The following SMURF1 variants were observed in gnomAD, a reference collection of about 807,000 sequenced individuals.
The protein encoded by SMURF1 is SMAD specific E3 ubiquitin protein ligase 1.
SMURF1 carries 44 observed loss-of-function variants against 98.0 expected under a neutral mutation model. That is an observed-to-expected ratio of 0.45 (90% CI 0.35 to 0.58). The LOEUF is 0.58. Among genes scored for constraint, SMURF1 ranks in the 20% least tolerant of loss-of-function variants. The pLI is 0.00. For missense variants in SMURF1, 687 were observed against 938.4 expected, an observed-to-expected ratio of 0.73 and a Z score of 3.50; for synonymous variants, 396 against 374.9, an observed-to-expected ratio of 1.06 and a Z score of -0.65.
Position 99,045,757 on chromosome 7 carries a change from T to G in SMURF1, c.1197A>C (p.Lys399Asn). 1 of 1,614,262 alleles carries G rather than the reference T, an allele frequency of 6.2e-7. No homozygotes were observed. Residue 399 changes from lysine to asparagine, a missense_variant, in exon 11 of 18, where the codon AAA becomes AAC. By Grantham distance (94) the Lys-to-Asn change is moderately conservative (BLOSUM62 0). Coordinates refer to ENST00000361368, the MANE Select transcript of SMURF1 (RefSeq NM_181349.3). ...QIMKMRPKDL[K>N]KRLMVKFRGE... ...CACGGAATTTCACCATCAGCCGTTT[T>G]TTCAAGTCTTTCGGTCGCATCTTCA...
chr7:99,045,122 G>C (rs564154152), intron 11 of SMURF1, among the ~76,000 whole-genome samples: 1 of 152,006 alleles, frequency 6.6e-6, no homozygotes, highest in East Asian at 1.9e-4. Context: ...CTGGGCAACA[G>C]AGCAAGACCC....
intron 1 of SMURF1, among the ~76,000 whole-genome samples, chr7:99,142,581 A>C (rs1427733397): frequency 2.7e-5 from 2 of 75,248 alleles, no homozygotes; most frequent in Non-Finnish European, 5.2e-5. Flanking sequence ...GGCAGGAATG[A>C]GGGCGGGGCT....
At position 99,047,893 on chromosome 7, in the gene SMURF1, A is replaced by C; in HGVS notation, c.954-11T>G. The C allele has an allele frequency of 3.1e-6, 5 of 1,612,742 alleles. No homozygotes were observed. The highest frequency in any genetic ancestry group is 4.2e-6 in the Non-Finnish European group (5 of 1,179,948). On this transcript the variant is annotated splice_polypyrimidine_tract_variant and intron_variant, in intron 9 of 17. Coordinates refer to ENST00000361368, the MANE Select transcript of SMURF1 (RefSeq NM_181349.3). ...AGTTGGCACTGGTGACTTGAGAAGA[A>C]GAGATGCAGAAAGTCACTCCGAAGC...
intron 11 of SMURF1, 55 bp from the exon 12 acceptor site, chr7:99,042,287 T>G (rs1010196175): frequency 7.5e-6 from 10 of 1,328,404 alleles, no homozygotes; most frequent in South Asian, 1.2e-5. Flanking sequence ...CTACATTTTT[T>G]TTTTTTCCCT....
chr7:99,077,390 T>C (rs1796488362), intron 1 of SMURF1, among the ~76,000 whole-genome samples: 1 of 151,784 alleles, frequency 6.6e-6, no homozygotes, highest in South Asian at 2.1e-4. Context: ...TGGAGTACAG[T>C]GGCGCAATCT....
At chr7:99,128,533 G>T (rs534384611) in intron 1 of SMURF1, among the ~76,000 whole-genome samples, 1 of 152,154 alleles carries the variant, frequency 6.6e-6, no homozygotes, top group African/African-American at 2.4e-5. Context: ...TATGCTAAGC[G>T]TATTACATAG....
At chr7:99,051,272 C>G (rs1795747323) in intron 8 of SMURF1, 85 bp downstream of exon 8, 1 of 1,117,574 alleles carries the variant, frequency 8.9e-7, no homozygotes, top group African/African-American at 1.5e-5. Flanking sequence ...TAGTTTAAAA[C>G]AAGAGCAACA....
At chr7:99,035,857 A>T (rs1795115522) in intron 15 of SMURF1, 141 bp from the exon 16 acceptor site, 5 of 792,830 alleles carry the variant, frequency 6.3e-6, no homozygotes, top group Non-Finnish European at 2.0e-6. Flanking sequence ...ATGTTGAGAC[A>T]GGAAGAAAGC....
In SMURF1 at chr7:99,085,117, G is replaced by C. The variant is rs185828940; in HGVS notation, c.56-23280C>G. ...TATAATCCCAGCACTTTGGGAGGCC[G>C]AGGTGGGTGGATCACCTGAGGTCAG... is the stretch of plus-strand genomic sequence containing the variant. On this transcript the variant is annotated intron_variant, in intron 1 of 17. Transcript: ENST00000361368. Among the ~76,000 whole-genome samples the C allele has an allele frequency of 8.5e-3, 1,286 of 152,060 alleles. 13 individuals are homozygous for C. Among genetic ancestry groups the C allele is most frequent in the African/African-American group, 0.027 (1,114 of 41,472 alleles).
At chr7:99,064,391 A>G (rs1796138175) in intron 1 of SMURF1, among the ~76,000 whole-genome samples, 1 of 152,196 alleles carries the variant, frequency 6.6e-6, no homozygotes, top group Non-Finnish European at 1.5e-5. Context: ...GATGGCCTCT[A>G]GGCCTGGGCT....
At chr7:99,106,732 C>G (rs1398739933) in intron 1 of SMURF1, among the ~76,000 whole-genome samples, 1 of 152,104 alleles carries the variant, frequency 6.6e-6, no homozygotes, top group African/African-American at 2.4e-5. Flanking sequence ...GGCAATATAG[C>G]GAGACCTTGT....
chr7:99,081,357 T>A (rs1300006478), intron 1 of SMURF1: 1 of 152,150 alleles, frequency 6.6e-6, no homozygotes, highest in Non-Finnish European at 1.5e-5. Flanking sequence ...AAATACTGTT[T>A]TAAGTTAGCT....
intron 1 of SMURF1, among the ~76,000 whole-genome samples, chr7:99,108,080 C>T (rs62472983): frequency 2.6e-5 from 4 of 152,144 alleles, no homozygotes; most frequent in African/African-American, 4.8e-5. Context: ...GCAAAAACCA[C>T]GAACAGAACA....
rs1472282870 is a variant in SMURF1 at position 99,029,346 on chromosome 7, G to A, written c.*1238C>T. The A allele has an allele frequency of 1.4e-4, 21 of 152,444 alleles. No individual in the cohort carries two copies. Among genetic ancestry groups the A allele is most frequent in the Non-Finnish European group, 2.9e-5 (2 of 68,040 alleles). 9.4% of individuals were successfully genotyped at this position (152,444 alleles called of 1,614,324 possible). ...TTTAAGATAAAATACTGACTTTTGTGCAAACTGGAAATGGTGTCAGAAACT... is the reference window on the plus strand; with the variant it reads ...TTTAAGATAAAATACTGACTTTTGTACAAACTGGAAATGGTGTCAGAAACT... On this transcript the variant is annotated 3_prime_UTR_variant, in exon 18 of 18. Transcript: ENST00000361368.
intron 1 of SMURF1, among the ~76,000 whole-genome samples, chr7:99,127,646 G>A (rs1797775521): frequency 6.6e-6 from 1 of 152,212 alleles, no homozygotes; most frequent in South Asian, 2.1e-4. Context: ...TATACCATAT[G>A]TATGTATTAT....
intron 1 of SMURF1, among the ~76,000 whole-genome samples, chr7:99,120,143 G>A (rs994408947): frequency 6.6e-6 from 1 of 152,116 alleles, no homozygotes; most frequent in African/African-American, 2.4e-5. Flanking sequence ...CTCACCATGT[G>A]ATGCCTGCTC....
Position 99,029,124 on chromosome 7 carries a change from C to G in SMURF1, c.*1460G>C, listed in dbSNP as rs1584433349. 6.5e-6 allele frequency: 1 copy of G among 152,846 alleles called. No homozygotes were observed. The highest frequency in any genetic ancestry group is 1.9e-4 in the East Asian group (1 of 5,182). The allele number at this position is 152,846 out of a possible 1,614,324, so 9.5% of individuals were successfully genotyped here. On this transcript the variant is annotated 3_prime_UTR_variant, in exon 18 of 18. Transcript: ENST00000361368. ...ACAGTGACAAAAAGAACAGATAAAA[C>G]CATTGTCCACAAGGTCCTTCCCAGG...
chr7:99,130,239 G>C (rs1292722288), intron 1 of SMURF1, among the ~76,000 whole-genome samples: 1 of 152,104 alleles, frequency 6.6e-6, no homozygotes, highest in Non-Finnish European at 1.5e-5. Context: ...AATCAGCTGA[G>C]GTCAAGAGTT....
intron 11 of SMURF1, among the ~76,000 whole-genome samples, chr7:99,042,512 T>G (rs1029059144): frequency 1.3e-5 from 2 of 152,210 alleles, no homozygotes; most frequent in African/African-American, 4.8e-5. Flanking sequence ...TGACCTCAAA[T>G]GATCCACCCA....
Sources: gnomAD v4.1 joint callset for allele counts (sites outside exome capture counted in the v4.1 genomes callset) on GRCh38, gnomAD v4.1.1 for gene constraint, MANE v1.5 for transcripts, NCBI Gene and HGNC (gene_info 2026-07-23, HGNC 2026-07-21) for gene names.